Variants in TRIM66 observed in about 807,000 individuals in gnomAD.
TRIM66 encodes the protein tripartite motif containing 66.
Under a neutral mutation model 148.2 loss-of-function variants are expected in TRIM66, and 99 were observed. The observed-to-expected ratio is 0.67, with a 90% CI of 0.57 to 0.79. The LOEUF is 0.79. Ranked by LOEUF, TRIM66 falls within the 30% of genes least tolerant of loss-of-function variation. TRIM66 has a pLI of 0.00. For synonymous variants in TRIM66, 616 were observed against 635.9 expected (o/e 0.97, Z 0.47); for missense variants, 1,666 against 1,697.9 (o/e 0.98, Z 0.33).
At chr11:8,672,212 G>T in intron 5 of TRIM66, 36 bp downstream of exon 5, 1 of 1,536,116 alleles carries the variant, frequency 6.5e-7, no homozygotes, top group East Asian at 2.4e-5. Context: ...TTCCTCTCCA[G>T]AGCTGGAGGC....
chr11:8,622,353 C>CA (rs1181138142), intron 18 of TRIM66, among the ~76,000 whole-genome samples: 1 of 54,240 alleles, frequency 1.8e-5, no homozygotes, highest in African/African-American at 5.2e-5. Context: ...CACACACACA[C>CA]ACACACACAC....
intron 4 of TRIM66, among the ~76,000 whole-genome samples, chr11:8,674,066 G>A (rs896560236): frequency 7.2e-5 from 11 of 152,220 alleles, no homozygotes; most frequent in Non-Finnish European, 1.2e-4. Context: ...GATTAGAGAC[G>A]AGGACAGTCT....
At chr11:8,681,876 G>A (rs894899216) in intron 1 of TRIM66, among the ~76,000 whole-genome samples, 2 of 152,044 alleles carry the variant, frequency 1.3e-5, no homozygotes, top group Admixed American at 1.3e-4. Context: ...AGGGTCACAG[G>A]CGTGTTATGT....
chr11:8,625,289 G>A, intron 15 of TRIM66, 61 bp from the exon 16 acceptor site: 1 of 1,441,224 alleles, frequency 6.9e-7, no homozygotes, highest in East Asian at 2.5e-5. Context: ...GGGAGGGAGA[G>A]GAGGGACCCA....
intron 15 of TRIM66, among the ~76,000 whole-genome samples, chr11:8,631,645 T>C (rs1342346160): frequency 6.6e-6 from 1 of 152,222 alleles, no homozygotes; most frequent in African/African-American, 2.4e-5. Flanking sequence ...CCAAGTGATG[T>C]TTCTTGTCTT....
At position 8,620,074 on chromosome 11, in the gene TRIM66, G is replaced by T. The variant is rs1390896227; in HGVS notation, c.3723C>A (p.Pro1241=). The stretch of plus-strand genomic sequence containing the variant: ...CCAGGGGGCTGACAGGTTCATGGAA[G>T]GGCAGGCTGAGGTTATTGCAGCACA... ...LSLCCNNLSL[P]FHEPVSPLAR... The change falls in exon 22 of 25, where the codon CCC becomes CCA. Residue 1241 remains proline, a synonymous_variant. Coordinates refer to ENST00000646038, the MANE Select transcript of TRIM66 (RefSeq NM_001388022.1). 1.9e-6 allele frequency: 3 copies of T among 1,551,780 alleles called. No individual in the cohort carries two copies. Among genetic ancestry groups the T allele is most frequent in the Non-Finnish European group, 2.6e-6 (3 of 1,146,990 alleles).
chr11:8,640,490 G>C lies in TRIM66; in HGVS notation c.1885C>G (p.Pro629Ala), dbSNP rs1413633609. 7.8e-6 allele frequency: 12 copies of C among 1,544,426 alleles called. No homozygotes were observed. In the South Asian group the frequency reaches 1.3e-4, roughly 17 times the overall value. The part of the protein sequence containing the change: ...PPQQPHPPLP[P>A]SQHLASSQHE... ...TGACTAGAAGCCAGATGCTGGGATG[G>C]AGGAAGAGGTGGGTGTGGCTGCTGT... is the stretch of plus-strand genomic sequence containing the variant. Residue 629 changes from proline (P) to alanine (A), a missense_variant, in exon 14 of 25, where the codon CCA (proline) becomes GCA (alanine). Transcript: ENST00000646038.
At chr11:8,680,589 C>T (rs1565585768) in intron 1 of TRIM66, 1 of 152,070 alleles carries the variant, frequency 6.6e-6, no homozygotes, top group Non-Finnish European at 1.5e-5. Context: ...GTGCCACTCA[C>T]CAAGACAGAG....
Position 8,647,460 on chromosome 11 carries a change from A to T in TRIM66, c.842+510T>A, listed in dbSNP as rs143822103. Among the ~76,000 whole-genome samples, 3 of 152,172 alleles carry T rather than the reference A, an allele frequency of 2.0e-5. No homozygotes were observed. The East Asian group carries it at 5.8e-4, about 29-fold the overall frequency. On this transcript the variant is annotated intron_variant, in intron 10 of 24. Coordinates refer to ENST00000646038, the MANE Select transcript of TRIM66 (RefSeq NM_001388022.1). The stretch of plus-strand genomic sequence containing the variant: ...CTAACTGAAAGAATGGCAAGAACTG[A>T]ACAAAATAATGCATATATGATACCC...
chr11:8,675,735 ATTAT>A (rs1361525107), intron 3 of TRIM66, among the ~76,000 whole-genome samples: 6 of 141,220 alleles, frequency 4.2e-5, no homozygotes, highest in African/African-American at 9.9e-5. Flanking sequence ...TTTTTTAATT[ATTAT>A]TTATTTATTT....
At position 8,613,181 on chromosome 11, in the gene TRIM66, G is replaced by C. The variant is rs528409010; in HGVS notation, c.*4763C>G. 1 of 152,166 alleles carries C rather than the reference G, an allele frequency of 6.6e-6. No homozygotes were observed. Among genetic ancestry groups the C allele is most frequent in the Non-Finnish European group, 1.5e-5 (1 of 68,078 alleles). The allele number at this position is 152,166 out of a possible 1,614,324, so 9.4% of individuals were successfully genotyped here. A position where few individuals can be genotyped will look rare whatever the true frequency, so the allele number is the denominator to read the frequency against. ...CTCCCTACCCAACTCCTGAAAAGAAGAGACCACAGACAGCCACAGACATTT... is the reference window on the plus strand; with the variant it reads ...CTCCCTACCCAACTCCTGAAAAGAACAGACCACAGACAGCCACAGACATTT... On this transcript the variant is annotated 3_prime_UTR_variant, in exon 25 of 25. Coordinates refer to ENST00000646038, the MANE Select transcript of TRIM66 (RefSeq NM_001388022.1).
chr11:8,651,970 A>C, intron 6 of TRIM66, 67 bp from the exon 7 acceptor site: 1 of 1,308,898 alleles, frequency 7.6e-7, no homozygotes, highest in Non-Finnish European at 1.1e-6. Context: ...CCTGGACATA[A>C]GGCTTTCTAA....
At chr11:8,647,107 T>C (rs919172845) in intron 10 of TRIM66, among the ~76,000 whole-genome samples, 9 of 149,970 alleles carry the variant, frequency 6.0e-5, no homozygotes, top group Non-Finnish European at 1.2e-4. Context: ...ATAATGTTTA[T>C]TATAAACATA....
intron 6 of TRIM66, among the ~76,000 whole-genome samples, chr11:8,666,402 A>G (rs1054052745): frequency 4.0e-5 from 6 of 150,970 alleles, no homozygotes; most frequent in Non-Finnish European, 7.4e-5. Flanking sequence ...TACATATTAT[A>G]TGAGAAATTG....
rs2033617125 is a variant in TRIM66 at position 8,614,760 on chromosome 11, T to A, written c.*3184A>T. 6.6e-6 allele frequency: 1 copy of A among 152,480 alleles called. No homozygotes were observed. The highest frequency in any genetic ancestry group is 1.5e-5 in the Non-Finnish European group (1 of 68,258). The allele number at this position is 152,480 out of a possible 1,614,324, so 9.4% of individuals were successfully genotyped here. On this transcript the variant is annotated 3_prime_UTR_variant, in exon 25 of 25. Transcript: ENST00000646038. ...GTACAGGGAGGGAGCCAGAGTCCGC[T>A]GGTGGGGGATGGCAGGGACTGCCAT...
chr11:8,614,429 T>C lies in TRIM66; in HGVS notation c.*3515A>G, dbSNP rs915876943. On this transcript the variant is annotated 3_prime_UTR_variant, in exon 25 of 25. Coordinates refer to ENST00000646038, the MANE Select transcript of TRIM66 (RefSeq NM_001388022.1). ...TGCTGACAAAAACATCAGTGTGTGA[T>C]AGGCTCTGGGTTCATGCTGGGGAGA... 1.4e-4 allele frequency: 22 copies of C among 152,394 alleles called. No homozygotes were observed. Among genetic ancestry groups the C allele is most frequent in the Non-Finnish European group, 2.3e-4 (16 of 68,124 alleles). The allele number at this position is 152,394 out of a possible 1,614,324, so 9.4% of individuals were successfully genotyped here. A position where few individuals can be genotyped will look rare whatever the true frequency, so the allele number is the denominator to read the frequency against.
intron 23 of TRIM66, 123 bp downstream of exon 23, chr11:8,619,260 C>A: frequency 8.6e-7 from 1 of 1,168,136 alleles, no homozygotes. Context: ...ACAGCAGGCC[C>A]CCAGAATCTG....
rs1365597944 is a variant in TRIM66, at chr11:8,619,475, G to A, written c.3808C>T (p.Leu1270=). 6.4e-7 allele frequency: 1 copy of A among 1,551,296 alleles called. No individual in the cohort carries two copies. The highest frequency in any genetic ancestry group is 8.7e-7 in the Non-Finnish European group (1 of 1,146,856). The change falls in exon 23 of 25, where the codon CTG becomes TTG. Residue 1270 remains leucine, a synonymous_variant. Transcript: ENST00000646038. ...PMDLSIIRRK[L]QKKDPAHYTT... is the part of the protein sequence containing the mutation. ...TAGTGAGCTGGGTCCTTCTTTTGCA[G>A]CTTCCTCCGGATGATTGACAGGTCC...
At chr11:8,682,837 C>G (rs143278201), upstream of TRIM66, 1 of 1,609,772 alleles carries the variant, frequency 6.2e-7, no homozygotes. Flanking sequence ...CGTTTCTTGC[C>G]TCCTCTTCCT....
Sources: allele counts gnomAD v4.1 joint callset (sites outside exome capture counted in the v4.1 genomes callset), GRCh38; gene constraint gnomAD v4.1.1; transcripts MANE v1.5; gene names NCBI Gene and HGNC (gene_info 2026-07-23, HGNC 2026-07-21).